Variants in OR8B3 observed in about 807,000 individuals in gnomAD.
OR8B3 encodes the protein olfactory receptor 8B3.
For missense variants in OR8B3, 278 were observed against 377.6 expected, an observed-to-expected ratio of 0.74 and a Z score of 2.19; for synonymous variants, 102 against 135.4, an observed-to-expected ratio of 0.75 and a Z score of 1.71.
chr11:124,399,885 C>CT (rs35671436), upstream of OR8B3, among the ~76,000 whole-genome samples: 9,892 of 141,758 alleles, frequency 0.07, 937 homozygotes, highest in African/African-American at 0.22. Flanking sequence ...ACAGAATTCT[C>CT]TTTTTTTTTT....
the OR8B3 span, among the ~76,000 whole-genome samples, chr11:124,405,316 A>G: frequency 5.3e-5 from 8 of 152,110 alleles, no homozygotes; most frequent in African/African-American, 1.9e-4. Context: ...TCCCTCCCCC[A>G]AGTCAGTTTT....
At chr11:124,407,921 A>G in the OR8B3 span, among the ~76,000 whole-genome samples, 1 of 152,198 alleles carries the variant, frequency 6.6e-6, no homozygotes, top group African/African-American at 2.4e-5. Context: ...CATTCCATGA[A>G]TATCATGTAT....
the OR8B3 span, among the ~76,000 whole-genome samples, chr11:124,409,361 C>T: frequency 6.6e-6 from 1 of 152,182 alleles, no homozygotes; most frequent in African/African-American, 2.4e-5. Context: ...GTTTTTGCAA[C>T]TTGGGCAAAA....
In OR8B3 at chr11:124,397,096, C is replaced by A. The variant is rs143899363; in HGVS notation, c.256G>T (p.Val86Leu). The A allele has an allele frequency of 6.8e-6, 11 of 1,613,618 alleles. No homozygotes were observed. Among genetic ancestry groups the A allele is most frequent in the Non-Finnish European group, 9.3e-6 (11 of 1,179,822 alleles). The stretch of plus-strand genomic sequence containing the variant: ...TAGGAGATAATATTCTTTTTTGATA[C>A]AAAGTTCATTAGCATTTTGGGAGTG... ...VFTPKMLMNF[V>L]SKKNIISYVG... is the part of the protein sequence containing the mutation. Residue 86 changes from valine to leucine, a missense_variant, in exon 2 of 2, where the codon GTA becomes TTA. Val to Leu is a conservative substitution (Grantham distance 32). Coordinates refer to ENST00000641139, the MANE Select transcript of OR8B3 (RefSeq NM_001005467.2).
chr11:124,396,285 A>G lies in OR8B3; in HGVS notation c.*125T>C. The G allele has an allele frequency of 1.0e-5, 9 of 891,046 alleles. No homozygotes were observed. The highest frequency in any genetic ancestry group is 1.5e-5 in the Non-Finnish European group (9 of 606,788). 55.2% of individuals were successfully genotyped at this position (891,046 alleles called of 1,614,324 possible). A position where few individuals can be genotyped will look rare whatever the true frequency, so the allele number is the denominator to read the frequency against. ...AAGAGACAAGATGATTTCATAAGAG[A>G]AATGATAAGACAAGTTTATTAAATC... On this transcript the variant is annotated 3_prime_UTR_variant, in exon 2 of 2. Coordinates refer to ENST00000641139, the MANE Select transcript of OR8B3 (RefSeq NM_001005467.2).
rs749445961 is a variant in OR8B3, at chr11:124,396,382, A to G, written c.*28T>C. 4 of 1,553,954 alleles carry G rather than the reference A, an allele frequency of 2.6e-6. No homozygotes were observed. Among genetic ancestry groups the G allele is most frequent in the South Asian group, 1.2e-5 (1 of 81,232 alleles). ...CACTAATAAAAATTTAAAGTTCTTC[A>G]ATCGTTTTACATTATTACTGCTTCT... On this transcript the variant is annotated 3_prime_UTR_variant, in exon 2 of 2. Transcript: ENST00000641139.
the OR8B3 span, among the ~76,000 whole-genome samples, chr11:124,406,733 G>C: frequency 6.6e-6 from 1 of 150,834 alleles, no homozygotes; most frequent in African/African-American, 2.4e-5. Context: ...GATTACACTT[G>C]ATTTTCTAAT....
chr11:124,402,710 T>C (rs1272555623), upstream of OR8B3, among the ~76,000 whole-genome samples: 1 of 152,220 alleles, frequency 6.6e-6, no homozygotes, highest in Non-Finnish European at 1.5e-5. Flanking sequence ...TCTTAATGGA[T>C]GTAGGCGAGA....
At chr11:124,399,877 A>G (rs1272903641), upstream of OR8B3, among the ~76,000 whole-genome samples, 1 of 130,996 alleles carries the variant, frequency 7.6e-6, no homozygotes, top group Admixed American at 8.8e-5. Flanking sequence ...GTCAGGATAC[A>G]GAATTCTCTT....
chr11:124,398,144 A>G (rs1242793405), intron 1 of OR8B3, among the ~76,000 whole-genome samples: 1 of 152,176 alleles, frequency 6.6e-6, no homozygotes, highest in African/African-American at 2.4e-5. Flanking sequence ...GTTTCTAGAT[A>G]CCTTACTATA....
chr11:124,399,831 C>A (rs553830018), upstream of OR8B3, among the ~76,000 whole-genome samples: 1 of 152,024 alleles, frequency 6.6e-6, no homozygotes, highest in South Asian at 2.1e-4. Flanking sequence ...CTATGCAATT[C>A]TATCCCATGT....
the OR8B3 span, chr11:124,404,877 C>G: frequency 1.3e-5 from 2 of 152,170 alleles, no homozygotes; most frequent in African/African-American, 4.8e-5. Context: ...AGATAAAGCC[C>G]ATTGGAATTT....
rs548081 is a variant in OR8B3 at position 124,398,839 on chromosome 11, G to C, written c.-167C>G. 6.6e-6 allele frequency: 1 copy of C among 152,096 alleles called. No individual in the cohort carries two copies. Among genetic ancestry groups the C allele is most frequent in the Admixed American group, 6.5e-5 (1 of 15,284 alleles). 9.4% of individuals were successfully genotyped at this position (152,096 alleles called of 1,614,324 possible). ...CCTTGACTGGCAAAAGCATTGAGCA[G>C]AGATCTCAGAATCTGAATGTTCTGG... On this transcript the variant is annotated 5_prime_UTR_variant, in exon 1 of 2. Coordinates refer to ENST00000641139, the MANE Select transcript of OR8B3 (RefSeq NM_001005467.2).
In OR8B3 at chr11:124,397,070, A is replaced by G. The variant is rs1302995447; in HGVS notation, c.282T>C (p.Tyr94=). The change falls in exon 2 of 2, where the codon TAT becomes TAC. Residue 94 remains tyrosine, a synonymous_variant. Transcript: ENST00000641139. The stretch of plus-strand genomic sequence containing the variant: ...AAAACAGCTGAGTCATGCACCCAAC[A>G]TAGGAGATAATATTCTTTTTTGATA... ...NFVSKKNIIS[Y]VGCMTQLFFF... 1 of 1,613,958 alleles carries G rather than the reference A, an allele frequency of 6.2e-7. No individual in the cohort carries two copies. Among genetic ancestry groups the G allele is most frequent in the African/African-American group, 1.3e-5 (1 of 75,042 alleles).
chr11:124,397,087 T>G lies in OR8B3; in HGVS notation c.265A>C (p.Lys89Gln), dbSNP rs137996946. 1.1e-5 allele frequency: 18 copies of G among 1,613,872 alleles called. No homozygotes were observed. Among genetic ancestry groups the G allele is most frequent in the Non-Finnish European group, 1.4e-5 (17 of 1,179,860 alleles). ...CACCCAACATAGGAGATAATATTCTTTTTTGATACAAAGTTCATTAGCATT... is the reference window on the plus strand; with the variant it reads ...CACCCAACATAGGAGATAATATTCTGTTTTGATACAAAGTTCATTAGCATT... ...PKMLMNFVSKKNIISYVGCMT... is the reference protein window; with the variant it reads ...PKMLMNFVSKQNIISYVGCMT... The change falls in exon 2 of 2, where the codon AAG becomes CAG. Residue 89 changes from lysine to glutamine, a missense_variant. Transcript: ENST00000641139.
chr11:124,402,892 G>C (rs1861019080), upstream of OR8B3, among the ~76,000 whole-genome samples: 2 of 151,840 alleles, frequency 1.3e-5, no homozygotes, highest in East Asian at 3.9e-4. Context: ...GATTTGGCAG[G>C]GTCATAGGAC....
upstream of OR8B3, among the ~76,000 whole-genome samples, chr11:124,401,222 C>CAGAGAGAGAGAGAG (rs3071311): frequency 0.046 from 6,491 of 142,398 alleles, 215 homozygotes; most frequent in Non-Finnish European, 0.051. Flanking sequence ...TGCAAAGAGA[C>CAGAGAGAGAGAGAG]AGAGAGAGAG....
At chr11:124,400,046 A>G (rs1860964989), upstream of OR8B3, among the ~76,000 whole-genome samples, 1 of 152,162 alleles carries the variant, frequency 6.6e-6, no homozygotes, top group South Asian at 2.1e-4. Flanking sequence ...TTTTTTATAG[A>G]GACAGGATTT....
At chr11:124,397,952 C>G (rs1351479528) in intron 1 of OR8B3, among the ~76,000 whole-genome samples, 1 of 152,174 alleles carries the variant, frequency 6.6e-6, no homozygotes, top group Non-Finnish European at 1.5e-5. Flanking sequence ...GCCTCAGCCT[C>G]CCAAAGTGCT....
Sources: gnomAD v4.1 joint callset for allele counts (sites outside exome capture counted in the v4.1 genomes callset) on GRCh38, gnomAD v4.1.1 for gene constraint, MANE v1.5 for transcripts, NCBI Gene and HGNC (gene_info 2026-07-23, HGNC 2026-07-21) for gene names.